BIVM: variants seen among roughly 807,000 people sequenced by gnomAD.
BIVM encodes basic, immunoglobulin-like variable motif containing.
In BIVM, 31 loss-of-function variants were observed where a neutral mutation model predicts 61.4. The observed-to-expected ratio is 0.51, with a 90% CI of 0.38 to 0.68. The LOEUF (loss-of-function observed/expected upper bound fraction) is 0.68. Ranked by LOEUF, BIVM falls within the 30% of genes least tolerant of loss-of-function variation. The pLI is 0.00. For missense variants in BIVM, 526 were observed against 596.0 expected, an observed-to-expected ratio of 0.88 and a Z score of 1.22; for synonymous variants, 189 against 210.7, an observed-to-expected ratio of 0.90 and a Z score of 0.89.
intron 3 of BIVM, among the ~76,000 whole-genome samples, chr13:102,812,080 T>A (rs1879536474): frequency 6.6e-6 from 1 of 152,184 alleles, no homozygotes; most frequent in Non-Finnish European, 1.5e-5. Flanking sequence ...AGACCTTTTT[T>A]TTTCTGTTCC....
At chr13:102,817,244 T>C (rs191308605) in intron 4 of BIVM, among the ~76,000 whole-genome samples, 3 of 152,374 alleles carry the variant, frequency 2.0e-5, no homozygotes, top group Admixed American at 6.5e-5. Context: ...TTTTATAGAA[T>C]GTCCTACATT....
intron 3 of BIVM, among the ~76,000 whole-genome samples, chr13:102,812,815 T>C (rs1222967892): frequency 6.6e-6 from 1 of 152,248 alleles, no homozygotes; most frequent in Non-Finnish European, 1.5e-5. Flanking sequence ...GCTTGCAACA[T>C]TGGAGGGAGA....
At chr13:102,806,838 A>T (rs1879132687) in intron 2 of BIVM, among the ~76,000 whole-genome samples, 2 of 151,724 alleles carry the variant, frequency 1.3e-5, no homozygotes, top group African/African-American at 4.8e-5. Flanking sequence ...TGAACCCGGG[A>T]GGCGGAGGTT....
At chr13:102,820,648 G>A (rs1490741788) in intron 4 of BIVM, 3 of 192,816 alleles carry the variant, frequency 1.6e-5, no homozygotes, top group Non-Finnish European at 3.1e-5. Context: ...TGTTTGGGTT[G>A]AAGAATCTCT....
intron 3 of BIVM, among the ~76,000 whole-genome samples, chr13:102,811,093 G>C (rs1879462531): frequency 6.6e-6 from 1 of 152,144 alleles, no homozygotes; most frequent in Admixed American, 6.5e-5. Context: ...AAATCATATA[G>C]AATACAAAAA....
chr13:102,817,749 C>T (rs1223911791), intron 4 of BIVM, among the ~76,000 whole-genome samples: 1 of 151,426 alleles, frequency 6.6e-6, no homozygotes, highest in African/African-American at 2.4e-5. Context: ...TCAACTGGGG[C>T]TATTTGGTTA....
intron 3 of BIVM, among the ~76,000 whole-genome samples, chr13:102,814,936 C>T (rs1160031176): frequency 6.6e-6 from 1 of 151,976 alleles, no homozygotes; most frequent in African/African-American, 2.4e-5. Context: ...CCCAGGTACT[C>T]CTGAGGCTGA....
chr13:102,799,791 G>T (rs951364337), intron 1 of BIVM, among the ~76,000 whole-genome samples: 16 of 152,234 alleles, frequency 1.1e-4, no homozygotes, highest in Non-Finnish European at 1.6e-4. Context: ...GTGTCGCGGG[G>T]GGAAGAGAAG....
At chr13:102,803,677 C>CT (rs1195584815) in intron 1 of BIVM, among the ~76,000 whole-genome samples, 8 of 151,948 alleles carry the variant, frequency 5.3e-5, no homozygotes, top group Non-Finnish European at 1.0e-4. Context: ...CTCTAATAAC[C>CT]TTTGTCTATT....
intron 6 of BIVM, 59 bp downstream of exon 6, chr13:102,821,906 G>GTGT: frequency 6.4e-7 from 1 of 1,572,038 alleles, no homozygotes; most frequent in Admixed American, 1.7e-5. Context: ...TAATAATGAT[G>GTGT]TAGATGTGTG....
chr13:102,838,847 G>A, intron 10 of BIVM, 108 bp downstream of exon 10: 2 of 1,026,338 alleles, frequency 1.9e-6, no homozygotes, highest in Non-Finnish European at 2.7e-6. Context: ...ATTTGATAGA[G>A]GAGTGAAAAT....
chr13:102,836,373 T>G (rs1299565045), intron 9 of BIVM, among the ~76,000 whole-genome samples: 1 of 152,190 alleles, frequency 6.6e-6, no homozygotes, highest in Non-Finnish European at 1.5e-5. Context: ...AGAACAGCGG[T>G]GTGATCATGG....
rs370681887 is a variant in BIVM, at chr13:102,807,605, C to T, written c.338C>T (p.Pro113Leu). The T allele has an allele frequency of 2.2e-5, 36 of 1,613,974 alleles. No individual in the cohort carries two copies. The highest frequency in any genetic ancestry group is 1.6e-4 in the Middle Eastern group (1 of 6,084). Residue 113 changes from proline to leucine, a missense_variant, in exon 3 of 11, where the codon CCG becomes CTG. This residue lies in a region of BIVM where 312 missense variants were observed against 343.8 expected (regional missense o/e 0.91). Coordinates refer to ENST00000257336, the MANE Select transcript of BIVM (RefSeq NM_017693.4). The surrounding 1 kb of genome is among the most constrained non-coding windows in gnomAD (Gnocchi z 4.0). ...GNNSSRYIGI[P>L]TSTSEIIYNE... ...AATTCATCAAGATACATTGGTATCC[C>T]GACTAGTACATCGGAAATTATCTAC...
Position 102,841,501 on chromosome 13 carries a change from T to G in BIVM, c.*1636T>G, listed in dbSNP as rs539591409. 2.6e-5 allele frequency: 4 copies of G among 152,650 alleles called. No individual in the cohort carries two copies. The highest frequency in any genetic ancestry group is 5.9e-5 in the Non-Finnish European group (4 of 68,042). The allele number at this position is 152,650 out of a possible 1,614,324, so 9.5% of individuals were successfully genotyped here. Reference sequence around the variant, plus strand: ...TTCATACTGGAACTTTTAAAAAGATTTCATCAAATAAAGTTTTGTTTTCTA... The same window carrying G: ...TTCATACTGGAACTTTTAAAAAGATGTCATCAAATAAAGTTTTGTTTTCTA... On this transcript the variant is annotated 3_prime_UTR_variant, in exon 11 of 11. Coordinates refer to ENST00000257336, the MANE Select transcript of BIVM (RefSeq NM_017693.4).
rs201806087 is a variant in BIVM at position 102,838,613 on chromosome 13, T to C, written c.1122-30T>C. 2.4e-3 allele frequency: 3,746 copies of C among 1,568,058 alleles called. 10 individuals are homozygous for C. Among genetic ancestry groups the C allele is most frequent in the Non-Finnish European group, 2.9e-3 (3,330 of 1,157,032 alleles). On this transcript the variant is annotated intron_variant, in intron 9 of 10. Coordinates refer to ENST00000257336, the MANE Select transcript of BIVM (RefSeq NM_017693.4). ...AATGATACTTTAGACCTAAAGAAAA[T>C]TGTGCTTTATCCTTTCTTCTTAACT... is the stretch of plus-strand genomic sequence containing the variant.
chr13:102,809,710 T>C (rs2066599760), intron 3 of BIVM, among the ~76,000 whole-genome samples: 1 of 152,222 alleles, frequency 6.6e-6, no homozygotes, highest in Admixed American at 6.5e-5. Context: ...TACAGTTTAG[T>C]GGCATTAAGT....
intron 4 of BIVM, among the ~76,000 whole-genome samples, chr13:102,817,989 A>G (rs1879993533): frequency 6.6e-6 from 1 of 152,196 alleles, no homozygotes; most frequent in Non-Finnish European, 1.5e-5. Context: ...AGGTGAGGGG[A>G]CTAAACAGAA....
intron 1 of BIVM, among the ~76,000 whole-genome samples, chr13:102,802,723 C>G (rs993458976): frequency 6.7e-6 from 1 of 149,632 alleles, no homozygotes; most frequent in Non-Finnish European, 1.5e-5. Flanking sequence ...ACAAACCAGA[C>G]TGTTACTTTT....
chr13:102,840,131 T>C lies in BIVM; in HGVS notation c.*266T>C, dbSNP rs1196683240. The C allele has an allele frequency of 6.2e-6, 2 of 324,480 alleles. No homozygotes were observed. Among genetic ancestry groups the C allele is most frequent in the East Asian group, 5.0e-5 (1 of 20,112 alleles). The allele number at this position is 324,480 out of a possible 1,614,324, so 20.1% of individuals were successfully genotyped here. A position where few individuals can be genotyped will look rare whatever the true frequency, so the allele number is the denominator to read the frequency against. ...GAAAATTTCACAAAATTCAATAAAA[T>C]TACAACTGTTGTCTAAATAAGTGAA... On this transcript the variant is annotated 3_prime_UTR_variant, in exon 11 of 11. Transcript: ENST00000257336.
Sources: gnomAD v4.1 joint callset for allele counts (sites outside exome capture counted in the v4.1 genomes callset) on GRCh38, gnomAD v4.1.1 for gene constraint, gnomAD v4.1.1 regional missense constraint, Gnocchi (gnomAD v3.1) non-coding constraint, MANE v1.5 for transcripts, NCBI Gene and HGNC (gene_info 2026-07-23, HGNC 2026-07-21) for gene names.